The following MBNL1 variants were observed in gnomAD, a reference collection of about 807,000 sequenced individuals.
The protein encoded by MBNL1 is muscleblind-like protein 1.
Under a neutral mutation model 42.2 loss-of-function variants are expected in MBNL1, and 8 were observed. The ratio of observed to expected loss-of-function variants is 0.19; its 90% confidence interval spans 0.11 to 0.34. The LOEUF (loss-of-function observed/expected upper bound fraction) is 0.34. Ranked by LOEUF, MBNL1 falls within the 10% of genes least tolerant of loss-of-function variation. The pLI, the probability that MBNL1 is intolerant of heterozygous loss-of-function variation, is 1.00. For missense variants in MBNL1, 309 were observed against 495.3 expected, an observed-to-expected ratio of 0.62 and a Z score of 3.57; for synonymous variants, 169 against 173.9, an observed-to-expected ratio of 0.97 and a Z score of 0.22.
intron 2 of MBNL1, among the ~76,000 whole-genome samples, chr3:152,309,515 A>AGT (rs2065159503): frequency 6.6e-6 from 1 of 152,236 alleles, no homozygotes; most frequent in Non-Finnish European, 1.5e-5. Context: ...TCTCAGAATC[A>AGT]CTTATACTTA....
chr3:152,445,599 T>C, intron 5 of MBNL1, 60 bp downstream of exon 5: 6 of 1,520,376 alleles, frequency 3.9e-6, no homozygotes, highest in Non-Finnish European at 5.3e-6. Context: ...TGAGCAACTA[T>C]ATCTGACTAC....
chr3:152,376,967 C>G (rs992714416), intron 2 of MBNL1, among the ~76,000 whole-genome samples: 1 of 152,082 alleles, frequency 6.6e-6, no homozygotes, highest in African/African-American at 2.4e-5. Flanking sequence ...CGTACTTCCC[C>G]TAGACTTAAA....
intron 2 of MBNL1, among the ~76,000 whole-genome samples, chr3:152,247,134 A>G (rs953484969): frequency 2.0e-5 from 3 of 152,098 alleles, no homozygotes; most frequent in Non-Finnish European, 4.4e-5. Flanking sequence ...AAGAGAAGAA[A>G]GTTTGTTGCC....
intron 2 of MBNL1, among the ~76,000 whole-genome samples, chr3:152,394,138 A>G (rs1279563732): frequency 6.6e-6 from 1 of 152,234 alleles, no homozygotes; most frequent in Admixed American, 6.5e-5. Context: ...TCTCTGAGAC[A>G]GCAGTAATAT....
chr3:152,440,165 C>G (rs746995691), intron 4 of MBNL1, among the ~76,000 whole-genome samples: 1 of 152,158 alleles, frequency 6.6e-6, no homozygotes, highest in Non-Finnish European at 1.5e-5. Context: ...TCAAAGAATG[C>G]TCCCATTTGA....
intron 2 of MBNL1, among the ~76,000 whole-genome samples, chr3:152,251,405 GA>G (rs767125052): frequency 6.6e-6 from 1 of 152,008 alleles, no homozygotes; most frequent in Non-Finnish European, 1.5e-5. Context: ...TTTTTGTGGG[GA>G]AAACATTTAA....
intron 2 of MBNL1, among the ~76,000 whole-genome samples, chr3:152,409,006 C>T (rs1017481144): frequency 1.3e-5 from 2 of 152,070 alleles, no homozygotes; most frequent in African/African-American, 4.8e-5. Context: ...AAGTCCTTTA[C>T]GGAAACAAGT....
At chr3:152,316,664 G>T (rs1463727146) in intron 2 of MBNL1, among the ~76,000 whole-genome samples, 1 of 152,080 alleles carries the variant, frequency 6.6e-6, no homozygotes, top group Non-Finnish European at 1.5e-5. Context: ...TAAAAGCTGT[G>T]TGCCTCTGAT....
chr3:152,339,561 G>T (rs1167821815), intron 2 of MBNL1: 1 of 151,844 alleles, frequency 6.6e-6, no homozygotes, highest in African/African-American at 2.4e-5. Flanking sequence ...ATCATTGTTG[G>T]CCTTACTGTC....
At chr3:152,354,134 G>T (rs2153029074) in intron 2 of MBNL1, among the ~76,000 whole-genome samples, 1 of 152,260 alleles carries the variant, frequency 6.6e-6, no homozygotes, top group African/African-American at 2.4e-5. Context: ...AAGCTTTAAT[G>T]ATATTTGATG....
intron 2 of MBNL1, among the ~76,000 whole-genome samples, chr3:152,375,718 C>T (rs910783507): frequency 2.0e-5 from 3 of 151,714 alleles, no homozygotes; most frequent in Non-Finnish European, 4.4e-5. Flanking sequence ...ACTTGGGAGT[C>T]TGAGGTGGGG....
chr3:152,420,054 C>G (rs2098777434), intron 3 of MBNL1, among the ~76,000 whole-genome samples: 1 of 152,186 alleles, frequency 6.6e-6, no homozygotes, highest in South Asian at 2.1e-4. Context: ...GGCTGCCTCT[C>G]TAGATTCTTT....
At chr3:152,450,385 A>C (rs1195104223) in intron 6 of MBNL1, among the ~76,000 whole-genome samples, 2 of 152,148 alleles carry the variant, frequency 1.3e-5, no homozygotes, top group Non-Finnish European at 2.9e-5. Flanking sequence ...AAAGGTTAAA[A>C]TGGATAGCTC....
chr3:152,312,320 A>T (rs976636037), intron 2 of MBNL1, among the ~76,000 whole-genome samples: 31 of 152,358 alleles, frequency 2.0e-4, no homozygotes, highest in African/African-American at 7.5e-4. Flanking sequence ...GCTTGAACAG[A>T]AACTTTCGAT....
intron 2 of MBNL1, among the ~76,000 whole-genome samples, chr3:152,364,273 A>G (rs1396202294): frequency 6.6e-6 from 1 of 152,136 alleles, no homozygotes; most frequent in Non-Finnish European, 1.5e-5. Flanking sequence ...AAGACAAGAC[A>G]TCTGTACACA....
chr3:152,373,665 G>A (rs1196661525), intron 2 of MBNL1, among the ~76,000 whole-genome samples: 1 of 152,166 alleles, frequency 6.6e-6, no homozygotes, highest in African/African-American at 2.4e-5. Context: ...GTACCAAAGA[G>A]ATGAGCCAGG....
chr3:152,280,537 G>C (rs566391035), intron 1 of MBNL1, among the ~76,000 whole-genome samples: 1 of 152,234 alleles, frequency 6.6e-6, no homozygotes, highest in Non-Finnish European at 1.5e-5. Flanking sequence ...CGGTTCATCT[G>C]AATCTTCCTC....
chr3:152,296,093 A>G (rs945720497), intron 1 of MBNL1, among the ~76,000 whole-genome samples: 2 of 152,166 alleles, frequency 1.3e-5, no homozygotes, highest in Non-Finnish European at 2.9e-5. Context: ...TCAGAAGTGA[A>G]TGGGAAAGGA....
chr3:152,288,545 C>T (rs1426312519), intron 1 of MBNL1, among the ~76,000 whole-genome samples: 2 of 152,062 alleles, frequency 1.3e-5, no homozygotes. Flanking sequence ...GAAGGGGTAG[C>T]AGATATTTTC....
Sources: allele counts gnomAD v4.1 joint callset (sites outside exome capture counted in the v4.1 genomes callset), GRCh38; gene constraint gnomAD v4.1.1; transcripts MANE v1.5; gene names NCBI Gene and HGNC (gene_info 2026-07-23, HGNC 2026-07-21).